The following C1QTNF1 variants were observed in gnomAD, a reference collection of about 807,000 sequenced individuals.
The protein encoded by C1QTNF1 is C1q and TNF related 1.
In C1QTNF1, 22 loss-of-function variants were observed where a neutral mutation model predicts 27.8. That is an observed-to-expected ratio of 0.79 (90% confidence interval 0.56 to 1.13). The LOEUF is 1.13. Ranked by LOEUF, C1QTNF1 falls within the 50% of genes most tolerant of loss-of-function variation. C1QTNF1 has a pLI of 0.00. For missense variants in C1QTNF1, 373 were observed against 380.2 expected, an observed-to-expected ratio of 0.98 and a Z score of 0.16; for synonymous variants, 166 against 154.3, an observed-to-expected ratio of 1.08 and a Z score of -0.56.
chr17:79,025,091 C>A (rs1366565895), intron 1 of C1QTNF1: 3 of 152,420 alleles, frequency 2.0e-5, no homozygotes, highest in African/African-American at 7.2e-5. Context: ...GTGTTGCTTC[C>A]CCGGGGCCCT....
At position 79,047,571 on chromosome 17, in the gene C1QTNF1, A is replaced by G. The variant is rs760095768; in HGVS notation, c.329A>G (p.Gln110Arg). The change falls in exon 4 of 4, where the codon CAA becomes CGA. Residue 110 changes from glutamine to arginine, a missense_variant. Physicochemically the swap from Gln to Arg is conservative, Grantham distance 43. Coordinates refer to ENST00000579760, the MANE Select transcript of C1QTNF1 (RefSeq NM_030968.5). ...EKGDRGDRGL[Q>R]GKYGKTGSAG... ...GGTGACCGCGGAGATCGAGGCCTCC[A>G]AGGGAAATATGGCAAAACAGGCTCA... 6.5e-6 allele frequency: 10 copies of G among 1,534,742 alleles called. No individual in the cohort carries two copies. In the East Asian group the frequency reaches 1.6e-4, roughly 24 times the overall value.
At chr17:79,028,812 C>G (rs149594372) in intron 1 of C1QTNF1, among the ~76,000 whole-genome samples, 2 of 152,188 alleles carry the variant, frequency 1.3e-5, no homozygotes, top group East Asian at 3.9e-4. Flanking sequence ...GGTGTCTCTT[C>G]ACCCTACAAA....
Position 79,044,122 on chromosome 17 carries a change from A to T in C1QTNF1, c.154A>T (p.Arg52Trp). ...ELPSPPDHAE[R>W]AEEQHEKYRP... Reference sequence around the variant, plus strand: ...GCCGTCGCCTCCGGACCATGCCGAGAGGTGAGGGGCCACGAGGGTGTAATA... The same window carrying T: ...GCCGTCGCCTCCGGACCATGCCGAGTGGTGAGGGGCCACGAGGGTGTAATA... The change falls in exon 2 of 4, where the codon AGG (arginine) becomes TGG (tryptophan). Residue 52 changes from arginine to tryptophan, a missense_variant and splice_region_variant. Coordinates refer to ENST00000579760, the MANE Select transcript of C1QTNF1 (RefSeq NM_030968.5). 1.9e-6 allele frequency: 3 copies of T among 1,605,274 alleles called. No homozygotes were observed. The highest frequency in any genetic ancestry group is 2.6e-6 in the Non-Finnish European group (3 of 1,174,932).
chr17:79,035,217 C>T (rs2072235906), intron 1 of C1QTNF1, among the ~76,000 whole-genome samples: 2 of 152,160 alleles, frequency 1.3e-5, no homozygotes, highest in South Asian at 2.1e-4. Context: ...TACCTGAATC[C>T]TCTTGCAGCA....
chr17:79,035,808 A>G lies in C1QTNF1; in HGVS notation c.-14-8147A>G, dbSNP rs549363169. Reference sequence around the variant, plus strand: ...TATGCCAAGTTTCCTTGGGAGATGAATGTAAACTGGGGGCGGGGGCAATGT... The same window carrying G: ...TATGCCAAGTTTCCTTGGGAGATGAGTGTAAACTGGGGGCGGGGGCAATGT... On this transcript the variant is annotated intron_variant, in intron 1 of 3. Coordinates refer to ENST00000579760, the MANE Select transcript of C1QTNF1 (RefSeq NM_030968.5). 2.6e-5 allele frequency among the ~76,000 whole-genome samples: 4 copies of G among 152,260 alleles called. No homozygotes were observed. The South Asian group carries it at 8.3e-4, about 32-fold the overall frequency.
intron 1 of C1QTNF1, among the ~76,000 whole-genome samples, chr17:79,027,010 A>G (rs76128856): frequency 0.024 from 3,662 of 150,416 alleles, 135 homozygotes; most frequent in African/African-American, 0.084. Flanking sequence ...AAAGAATTTC[A>G]TAGATACAGT....
chr17:79,040,232 G>A lies in C1QTNF1; in HGVS notation c.-14-3723G>A, dbSNP rs191657702. Among the ~76,000 whole-genome samples, 296 of 152,346 alleles carry A rather than the reference G, an allele frequency of 1.9e-3. 3 individuals are homozygous for A. The highest frequency in any genetic ancestry group is 0.018 in the Admixed American group (274 of 15,310). On this transcript the variant is annotated intron_variant, in intron 1 of 3. Coordinates refer to ENST00000579760, the MANE Select transcript of C1QTNF1 (RefSeq NM_030968.5). ...CCCAGTACTTTGGGAGGCCAAGGCA[G>A]GTGAATTGCTTGAGCTCAGGAGTTT...
At chr17:79,040,059 T>C (rs534065785) in intron 1 of C1QTNF1, among the ~76,000 whole-genome samples, 1 of 152,290 alleles carries the variant, frequency 6.6e-6, no homozygotes, top group Non-Finnish European at 1.5e-5. Context: ...GCACCAGTGA[T>C]TCAGGGTGCT....
chr17:79,046,937 G>T lies in C1QTNF1; in HGVS notation c.295+243G>T. ...CACAGGACCAAGAGCAGGAGAGGGAGCCCAGAGGCTACTCGGGGTCTCGTC... is the reference window on the plus strand; with the variant it reads ...CACAGGACCAAGAGCAGGAGAGGGATCCCAGAGGCTACTCGGGGTCTCGTC... On this transcript the variant is annotated intron_variant, in intron 3 of 3. Transcript: ENST00000579760. This position sits in a 1 kb window ranked among gnomAD's most constrained non-coding sequence, Gnocchi z 4.8. 1.8e-6 allele frequency: 1 copy of T among 552,274 alleles called. No individual in the cohort carries two copies. The highest frequency in any genetic ancestry group is 3.2e-6 in the Non-Finnish European group (1 of 314,870). 34.2% of individuals were successfully genotyped at this position (552,274 alleles called of 1,614,324 possible). A position where few individuals can be genotyped will look rare whatever the true frequency, so the allele number is the denominator to read the frequency against.
intron 1 of C1QTNF1, chr17:79,043,616 C>A: frequency 2.2e-6 from 1 of 464,488 alleles, no homozygotes. Context: ...GTGTTGGGTG[C>A]ATGTGAATGT....
At chr17:79,030,146 T>C (rs2072085298) in intron 1 of C1QTNF1, among the ~76,000 whole-genome samples, 1 of 152,162 alleles carries the variant, frequency 6.6e-6, no homozygotes, top group South Asian at 2.1e-4. Context: ...GTGGGGCTTA[T>C]TTGTCATTTT....
intron 2 of C1QTNF1, among the ~76,000 whole-genome samples, chr17:79,045,815 G>C (rs1252029527): frequency 6.6e-6 from 1 of 152,182 alleles, no homozygotes; most frequent in Non-Finnish European, 1.5e-5. Context: ...TTAGGAGAGA[G>C]GTAGGGGTGA....
At chr17:79,025,952 C>T (rs1242465912) in intron 1 of C1QTNF1, 1 of 435,096 alleles carries the variant, frequency 2.3e-6, no homozygotes, top group Admixed American at 2.4e-5. Flanking sequence ...GTGTCTGCTT[C>T]TCACATGGCA....
intron 1 of C1QTNF1, chr17:79,025,551 C>G (rs565440291): frequency 1.3e-5 from 2 of 152,658 alleles, no homozygotes; most frequent in African/African-American, 4.8e-5. Flanking sequence ...CACTTCACAG[C>G]CCCAGGGGAG....
intron 1 of C1QTNF1, among the ~76,000 whole-genome samples, chr17:79,029,146 C>T (rs766300823): frequency 2.6e-5 from 4 of 152,178 alleles, no homozygotes; most frequent in Non-Finnish European, 5.9e-5. Flanking sequence ...ATACAGTCCT[C>T]GAAGCCAAAG....
intron 1 of C1QTNF1, among the ~76,000 whole-genome samples, chr17:79,031,600 T>A (rs2072141356): frequency 6.6e-6 from 1 of 152,018 alleles, no homozygotes; most frequent in African/African-American, 2.4e-5. Flanking sequence ...GCATGTGCCA[T>A]GCCTGGCTAA....
chr17:79,048,266 C>T lies in C1QTNF1; in HGVS notation c.*178C>T, dbSNP rs2072656890. On this transcript the variant is annotated 3_prime_UTR_variant, in exon 4 of 4. Transcript: ENST00000579760. ...CAGATCCCGCAGCCTCTGGAGAGAG[C>T]TGACGGCAGATGAAATCACCAGGGC... The T allele has an allele frequency of 3.0e-6, 2 of 672,398 alleles. No individual in the cohort carries two copies. Among genetic ancestry groups the T allele is most frequent in the Non-Finnish European group, 2.4e-6 (1 of 422,178 alleles). 41.7% of individuals were successfully genotyped at this position (672,398 alleles called of 1,614,324 possible). A position where few individuals can be genotyped will look rare whatever the true frequency, so the allele number is the denominator to read the frequency against.
intron 1 of C1QTNF1, among the ~76,000 whole-genome samples, chr17:79,027,081 C>G (rs528310723): frequency 0.03 from 3,717 of 123,654 alleles, 129 homozygotes; most frequent in African/African-American, 0.092. Context: ...TGTTCCTGGG[C>G]GGGGGGGGGC....
intron 1 of C1QTNF1, among the ~76,000 whole-genome samples, chr17:79,038,146 C>G (rs550532273): frequency 6.6e-6 from 1 of 151,824 alleles, no homozygotes; most frequent in African/African-American, 2.4e-5. Context: ...CACCCCACCA[C>G]GCCCAGCTAA....
Sources: gnomAD v4.1 joint callset for allele counts (sites outside exome capture counted in the v4.1 genomes callset) on GRCh38, gnomAD v4.1.1 for gene constraint, Gnocchi (gnomAD v3.1) non-coding constraint, MANE v1.5 for transcripts, NCBI Gene and HGNC (gene_info 2026-07-23, HGNC 2026-07-21) for gene names.